MYH11: variants seen among roughly 807,000 people sequenced by gnomAD.
MYH11 encodes the protein myosin-11.
MYH11 carries 80 observed loss-of-function variants against 246.6 expected under a neutral mutation model. The ratio of observed to expected loss-of-function variants is 0.32; its 90% confidence interval spans 0.27 to 0.39. The LOEUF (loss-of-function observed/expected upper bound fraction) is 0.39. Ranked by LOEUF, MYH11 falls within the 10% of genes least tolerant of loss-of-function variation. The probability of loss-of-function intolerance (pLI) is 1.00; values close to 1 mark genes in which losing one functional copy is unlikely to be tolerated. For synonymous variants in MYH11, 1,071 were observed against 1,015.5 expected (o/e 1.05, Z -1.04); for missense variants, 2,158 against 2,546.8 (o/e 0.85, Z 3.29).
chr16:15,738,752 C>G, intron 23 of MYH11, 64 bp from the exon 24 acceptor site: 1 of 1,571,966 alleles, frequency 6.4e-7, no homozygotes, highest in Non-Finnish European at 8.7e-7. Flanking sequence ...CTATGTTTCA[C>G]TTTTAGTGAT....
intron 3 of MYH11, among the ~76,000 whole-genome samples, chr16:15,805,774 G>A (rs539129661): frequency 6.6e-6 from 1 of 152,228 alleles, no homozygotes; most frequent in Non-Finnish European, 1.5e-5. Context: ...CATTAGCTGG[G>A]CATAGTGGCA....
intron 5 of MYH11, 160 bp from the exon 6 acceptor site, chr16:15,782,637 G>C: frequency 4.7e-6 from 3 of 642,074 alleles, no homozygotes; most frequent in Non-Finnish European, 5.6e-6. Context: ...ATTTACAGGA[G>C]GATTTCAGAA....
Position 15,720,833 on chromosome 16 carries a change from A to G in MYH11, c.4791+6T>C, listed in dbSNP as rs2040431673. The G allele has an allele frequency of 6.2e-7, 1 of 1,613,126 alleles. No individual in the cohort carries two copies. Among genetic ancestry groups the G allele is most frequent in the Middle Eastern group, 1.8e-4 (1 of 5,460 alleles). On this transcript the variant is annotated splice_donor_region_variant and intron_variant, in intron 33 of 40. Transcript: ENST00000300036. ...TCCCTCTGCTGGCCTCCCCGGCAGC[A>G]CGCACCTGTCTCTGCAGTTGCCTCC...
At chr16:15,784,528 C>A (rs577102061) in intron 5 of MYH11, among the ~76,000 whole-genome samples, 2 of 152,182 alleles carry the variant, frequency 1.3e-5, no homozygotes, top group African/African-American at 4.8e-5. Flanking sequence ...TGGCATCAGA[C>A]ACCCACAGGA....
At chr16:15,762,530 C>T (rs1381483192) in intron 10 of MYH11, among the ~76,000 whole-genome samples, 1 of 152,138 alleles carries the variant, frequency 6.6e-6, no homozygotes, top group East Asian at 1.9e-4. Flanking sequence ...TCAGCTGACA[C>T]CACCCAGATC....
At chr16:15,712,374 G>A (rs1045597122) in intron 40 of MYH11, among the ~76,000 whole-genome samples, 1 of 152,132 alleles carries the variant, frequency 6.6e-6, no homozygotes. Flanking sequence ...AACTAAGGCC[G>A]TGCAGTGGTC....
intron 5 of MYH11, chr16:15,784,787 G>A (rs1303470226): frequency 1.3e-6 from 2 of 1,577,808 alleles, no homozygotes; most frequent in Non-Finnish European, 8.7e-7. Context: ...TCAGGGGCTG[G>A]AGAATATATG....
chr16:15,757,031 C>G (rs2041742582), intron 13 of MYH11, among the ~76,000 whole-genome samples: 1 of 150,368 alleles, frequency 6.7e-6, no homozygotes, highest in South Asian at 2.1e-4. Flanking sequence ...ATCTCCTGAC[C>G]TCGTGATCCG....
chr16:15,798,421 C>G (rs1236615555), intron 4 of MYH11, among the ~76,000 whole-genome samples: 1 of 151,950 alleles, frequency 6.6e-6, no homozygotes, highest in Non-Finnish European at 1.5e-5. Flanking sequence ...AGGTATGGAA[C>G]CAAATGATAG....
intron 2 of MYH11, among the ~76,000 whole-genome samples, chr16:15,832,730 C>T (rs749754387): frequency 6.6e-6 from 1 of 152,110 alleles, no homozygotes; most frequent in Non-Finnish European, 1.5e-5. Context: ...TAAAGCTTGT[C>T]TACCTCAAAG....
intron 8 of MYH11, among the ~76,000 whole-genome samples, chr16:15,772,087 C>CTTTTTTT (rs35008322): frequency 2.8e-5 from 3 of 105,956 alleles, no homozygotes; most frequent in Non-Finnish European, 3.7e-5. Flanking sequence ...AACCTTTACT[C>CTTTTTTT]TTTTTTTTTT....
At chr16:15,721,975 A>G (rs1262332304) in intron 31 of MYH11, among the ~76,000 whole-genome samples, 1 of 152,104 alleles carries the variant, frequency 6.6e-6, no homozygotes, top group Non-Finnish European at 1.5e-5. Flanking sequence ...CTCCTGCCTC[A>G]GCCTCCAGAG....
At chr16:15,767,522 A>AT (rs2042010216) in intron 9 of MYH11, among the ~76,000 whole-genome samples, 1 of 151,946 alleles carries the variant, frequency 6.6e-6, no homozygotes, top group African/African-American at 2.4e-5. Context: ...GGGTCTCACT[A>AT]TATTGCCCAG....
At chr16:15,719,020 C>T (rs898178616) in intron 36 of MYH11, 200 bp downstream of exon 36, 6 of 632,212 alleles carry the variant, frequency 9.5e-6, no homozygotes, top group Non-Finnish European at 1.4e-5. Flanking sequence ...CTCAGCTACT[C>T]AGAAGGCTGA....
At chr16:15,726,183 A>G (rs2040745990) in intron 28 of MYH11, 1 of 155,110 alleles carries the variant, frequency 6.4e-6, no homozygotes, top group East Asian at 1.9e-4. Flanking sequence ...ATCATTTGAC[A>G]TTCATTTGTG....
At chr16:15,756,303 C>T (rs749153368) in intron 14 of MYH11, 38 bp downstream of exon 14, 12 of 1,609,372 alleles carry the variant, frequency 7.5e-6, no homozygotes, top group East Asian at 4.5e-5. Context: ...CACTGGGGGT[C>T]CCCTGAGACA....
chr16:15,840,804 G>A (rs2044032568), intron 1 of MYH11, among the ~76,000 whole-genome samples: 1 of 152,024 alleles, frequency 6.6e-6, no homozygotes, highest in Non-Finnish European at 1.5e-5. Context: ...TGTCAATTAA[G>A]AAATAAATTT....
intron 14 of MYH11, among the ~76,000 whole-genome samples, chr16:15,753,768 C>T (rs538449892): frequency 2.0e-5 from 3 of 152,294 alleles, no homozygotes; most frequent in East Asian, 1.9e-4. Context: ...CTCCTACTAA[C>T]GCTGCTGTGG....
chr16:15,780,994 T>C (rs934572863), intron 6 of MYH11, among the ~76,000 whole-genome samples: 8 of 152,214 alleles, frequency 5.3e-5, no homozygotes, highest in Non-Finnish European at 1.5e-5. Flanking sequence ...TCGCCGTGGA[T>C]AGACCTAAGT....
Sources: gnomAD v4.1 joint callset for allele counts (sites outside exome capture counted in the v4.1 genomes callset) on GRCh38, gnomAD v4.1.1 for gene constraint, MANE v1.5 for transcripts, NCBI Gene and HGNC (gene_info 2026-07-23, HGNC 2026-07-21) for gene names.